Variants in REG3G observed in about 807,000 individuals in gnomAD.
REG3G encodes regenerating family member 3 gamma.
A neutral mutation model predicts 20.9 loss-of-function variants in REG3G; 19 were observed. That is an observed-to-expected ratio of 0.91 (90% confidence interval 0.64 to 1.34). REG3G has a LOEUF of 1.34. REG3G is among the 40% of genes most tolerant of loss of function. The pLI is 0.00. For missense variants in REG3G, 235 were observed against 205.0 expected (o/e 1.15, Z -0.89); for synonymous variants, 89 against 77.4 (o/e 1.15, Z -0.79).
intron 2 of REG3G, chr2:79,026,477 C>G: frequency 1.7e-6 from 1 of 596,856 alleles, no homozygotes; most frequent in Non-Finnish European, 3.0e-6. Flanking sequence ...TAGAGATAGC[C>G]CACAGTGAAG....
At chr2:79,028,175 C>G in intron 5 of REG3G, 34 bp from the exon 6 acceptor site, 1 of 1,527,546 alleles carries the variant, frequency 6.5e-7, no homozygotes, top group South Asian at 1.1e-5. Flanking sequence ...ACAAGTTCCC[C>G]CAGCCCCATG....
chr2:79,025,889 G>C lies in REG3G; in HGVS notation c.-111-94G>C. The C allele has an allele frequency of 5.3e-6, 3 of 567,140 alleles. No individual in the cohort carries two copies. The East Asian group carries it at 9.0e-5, about 17-fold the overall frequency. 35.1% of individuals were successfully genotyped at this position (567,140 alleles called of 1,614,324 possible). On this transcript the variant is annotated intron_variant, in intron 1 of 5. Transcript: ENST00000272324. ...CACAGGAGCTCTGAGACTCAGCAAG[G>C]CTGTACTGGGAGGTCTCAGGGATGG...
At position 79,027,097 on chromosome 2, in the gene REG3G, T is replaced by C. The variant is rs141279811; in HGVS notation, c.259T>C (p.Phe87Leu). 107 of 1,614,030 alleles carry C rather than the reference T, an allele frequency of 6.6e-5. No homozygotes were observed. The African/African-American group carries it at 9.1e-4, about 14-fold the overall frequency. Residue 87 changes from phenylalanine to leucine, a missense_variant, in exon 4 of 6, where the codon TTC (phenylalanine) becomes CTC (leucine). By Grantham distance (22) the Phe-to-Leu change is conservative (BLOSUM62 0). Transcript: ENST00000272324. ...VSVLSGAEGSFVSSLVRSISN... is the reference protein window; with the variant it reads ...VSVLSGAEGSLVSSLVRSISN... ...TGTGCTCAGTGGGGCTGAGGGATCC[T>C]TCGTGTCCTCCCTGGTGAGGAGCAT...
Position 79,026,968 on chromosome 2 carries a change from T to A in REG3G, c.196-66T>A, listed in dbSNP as rs1671638950. ...TCTTTCACACAGTCCTCCTCCCACC[T>A]ACCTTTTCCCTGCCCTCCCTCAGTG... On this transcript the variant is annotated intron_variant, in intron 3 of 5. Transcript: ENST00000272324. The A allele has an allele frequency of 1.9e-6, 3 of 1,600,502 alleles. No homozygotes were observed. In the African/African-American group the frequency reaches 4.0e-5, roughly 22 times the overall value.
intron 5 of REG3G, 42 bp downstream of exon 5, chr2:79,027,975 C>T: frequency 1.2e-6 from 2 of 1,611,438 alleles, no homozygotes; most frequent in African/African-American, 2.7e-5. Flanking sequence ...ACTTTCCACT[C>T]CTCATCCCCA....
chr2:79,027,852 G>C lies in REG3G; in HGVS notation c.379G>C (p.Val127Leu). 6.2e-7 allele frequency: 1 copy of C among 1,614,042 alleles called. No homozygotes were observed. The highest frequency in any genetic ancestry group is 8.5e-7 in the Non-Finnish European group (1 of 1,179,972). Residue 127 changes from valine to leucine, a missense_variant, in exon 5 of 6, where the codon GTG becomes CTG. Physicochemically the swap from Val to Leu is conservative, Grantham distance 32. Coordinates refer to ENST00000272324, the MANE Select transcript of REG3G (RefSeq NM_001008387.3). Reference protein sequence around the residue: ...GDGWEWSSTDVMNYFAWEKNP... With the variant: ...GDGWEWSSTDLMNYFAWEKNP... Reference sequence around the variant, plus strand: ...TGGATGGGAGTGGAGTAGCACTGATGTGATGAATTACTTTGCATGGGAGAA... The same window carrying C: ...TGGATGGGAGTGGAGTAGCACTGATCTGATGAATTACTTTGCATGGGAGAA...
rs1671660375 is a variant in REG3G, at chr2:79,027,732, GTT to G, written c.334-74_334-73del. On this transcript the variant is annotated intron_variant, in intron 4 of 5. Transcript: ENST00000272324. Reference sequence around the variant, plus strand: ...CCCTGATGCTGGGGAGGAATCAGGTGTTACAGCTCAGGGGCCATGCAAAGAGA... The same window carrying G: ...CCCTGATGCTGGGGAGGAATCAGGTGACAGCTCAGGGGCCATGCAAAGAGA... 1.9e-6 allele frequency: 3 copies of G among 1,566,808 alleles called. No homozygotes were observed. In the Admixed American group the frequency reaches 5.2e-5, roughly 27 times the overall value.
rs1671666543 is a variant in REG3G at position 79,027,902 on chromosome 2, T to G, written c.429T>G (p.Pro143=). 1 of 1,614,084 alleles carries G rather than the reference T, an allele frequency of 6.2e-7. No individual in the cohort carries two copies. Among genetic ancestry groups the G allele is most frequent in the East Asian group, 2.2e-5 (1 of 44,848 alleles). ...AAAATCCCTCCACCATCTTAAACCC[T>G]GGCCACTGTGGGAGCCTGTCAAGAA... ...WEKNPSTILN[P]GHCGSLSRST... is the part of the protein sequence containing the mutation. Residue 143 remains proline, a synonymous_variant, in exon 5 of 6, where the codon CCT becomes CCG. Coordinates refer to ENST00000272324, the MANE Select transcript of REG3G (RefSeq NM_001008387.3).
Position 79,028,432 on chromosome 2 carries a change from C to CTT in REG3G, c.*156_*157insTT. The CTT allele has an allele frequency of 1.8e-6, 1 of 565,606 alleles. No individual in the cohort carries two copies. The highest frequency in any genetic ancestry group is 3.2e-6 in the Non-Finnish European group (1 of 314,490). The allele number at this position is 565,606 out of a possible 1,614,324, so 35.0% of individuals were successfully genotyped here. A position where few individuals can be genotyped will look rare whatever the true frequency, so the allele number is the denominator to read the frequency against. On this transcript the variant is annotated 3_prime_UTR_variant, in exon 6 of 6. Transcript: ENST00000272324. Reference sequence around the variant, plus strand: ...CTTCTTTTTCCTTTTTCTTCACCTTCATTTCAGGCTTTTCTCTGTCTTCCA... The same window carrying CTT: ...CTTCTTTTTCCTTTTTCTTCACCTTCTTATTTCAGGCTTTTCTCTGTCTTCCA...
chr2:79,027,233 C>G, intron 4 of REG3G, 62 bp downstream of exon 4: 3 of 1,558,264 alleles, frequency 1.9e-6, no homozygotes, highest in South Asian at 2.3e-5. Flanking sequence ...CAGGCGCACT[C>G]CCTGTCCCCA....
rs766249196 is a variant in REG3G at position 79,028,290 on chromosome 2, T to C, written c.*14T>C. The C allele has an allele frequency of 6.3e-7, 1 of 1,579,424 alleles. No individual in the cohort carries two copies. The highest frequency in any genetic ancestry group is 8.7e-7 in the Non-Finnish European group (1 of 1,148,468). The stretch of plus-strand genomic sequence containing the variant: ...TTCAAGGACTAGGGCAGGTGGGAAG[T>C]CAGCAGCCTGAGCTTGGCGTGCAGC... On this transcript the variant is annotated 3_prime_UTR_variant, in exon 6 of 6. Coordinates refer to ENST00000272324, the MANE Select transcript of REG3G (RefSeq NM_001008387.3).
At position 79,026,730 on chromosome 2, in the gene REG3G, G is replaced by C; in HGVS notation, c.94G>C (p.Glu32Gln). ...CQVQGEETQKELPSPRISCPK... is the reference protein window; with the variant it reads ...CQVQGEETQKQLPSPRISCPK... ...CACCCCAGGTGAAGAAACCCAGAAG[G>C]AACTGCCCTCTCCACGGATCAGCTG... The change falls in exon 3 of 6, where the codon GAA becomes CAA. Residue 32 changes from glutamate (E) to glutamine (Q), a missense_variant. Coordinates refer to ENST00000272324, the MANE Select transcript of REG3G (RefSeq NM_001008387.3). 6.2e-7 allele frequency: 1 copy of C among 1,613,778 alleles called. No individual in the cohort carries two copies. Among genetic ancestry groups the C allele is most frequent in the South Asian group, 1.1e-5 (1 of 91,060 alleles).
At position 79,026,133 on chromosome 2, in the gene REG3G, C is replaced by G; in HGVS notation, c.40C>G (p.Leu14Val). ...PMALPSVSWM[L>V]LSCLILLCQV... ...GGCCCTGCCCAGTGTGTCCTGGATG[C>G]TGCTTTCCTGCCTCATTCTCCTGTG... The change falls in exon 2 of 6, where the codon CTG becomes GTG. Residue 14 changes from leucine to valine, a missense_variant. Coordinates refer to ENST00000272324, the MANE Select transcript of REG3G (RefSeq NM_001008387.3). 2 of 1,614,010 alleles carry G rather than the reference C, an allele frequency of 1.2e-6. No individual in the cohort carries two copies. The highest frequency in any genetic ancestry group is 1.7e-4 in the Middle Eastern group (1 of 6,060).
At position 79,026,778 on chromosome 2, in the gene REG3G, G is replaced by A. The variant is rs760131941; in HGVS notation, c.142G>A (p.Gly48Ser). 1.2e-6 allele frequency: 2 copies of A among 1,613,766 alleles called. No homozygotes were observed. The highest frequency in any genetic ancestry group is 1.1e-5 in the South Asian group (1 of 91,064). Residue 48 changes from glycine (G) to serine (S), a missense_variant, in exon 3 of 6, where the codon GGC (glycine) becomes AGC (serine). Transcript: ENST00000272324. ...CTGTCCCAAAGGCTCCAAGGCCTATGGCTCCCCCTGCTATGCCTTGTTTTT... is the reference window on the plus strand; with the variant it reads ...CTGTCCCAAAGGCTCCAAGGCCTATAGCTCCCCCTGCTATGCCTTGTTTTT... The part of the protein sequence containing the change: ...ISCPKGSKAY[G>S]SPCYALFLSP...
In REG3G at chr2:79,027,167, C is replaced by A. The variant is rs755617561; in HGVS notation, c.329C>A (p.Thr110Lys). The A allele has an allele frequency of 3.7e-6, 6 of 1,613,730 alleles. No homozygotes were observed. The highest frequency in any genetic ancestry group is 1.1e-5 in the South Asian group (1 of 91,056). The change falls in exon 4 of 6, where the codon ACA (threonine) becomes AAA (lysine). Residue 110 changes from threonine to lysine, a missense_variant. By Grantham distance (78) the Thr-to-Lys change is moderately conservative (BLOSUM62 -1). Coordinates refer to ENST00000272324, the MANE Select transcript of REG3G (RefSeq NM_001008387.3). Reference protein sequence around the residue: ...SYIWIGLHDPTQGSEPDGDGW... With the variant: ...SYIWIGLHDPKQGSEPDGDGW... Reference sequence around the variant, plus strand: ...ATCTGGATTGGGCTCCATGACCCCACACAGGTGCGAGTATATCCTCCCCTC... The same window carrying A: ...ATCTGGATTGGGCTCCATGACCCCAAACAGGTGCGAGTATATCCTCCCCTC...
At chr2:79,026,501 G>A in intron 2 of REG3G, 1 of 599,994 alleles carries the variant, frequency 1.7e-6, no homozygotes, top group East Asian at 2.8e-5. Context: ...GTGTTGAATG[G>A]TTGAATAAGG....
rs374234926 is a variant in REG3G at position 79,027,054 on chromosome 2, C to G, written c.216C>G (p.Pro72=). 2.2e-5 allele frequency: 36 copies of G among 1,613,982 alleles called. No individual in the cohort carries two copies. The highest frequency in any genetic ancestry group is 2.8e-5 in the Non-Finnish European group (33 of 1,179,990). ...CAAAGCTGGCTTGCCAGAAGCGGCC[C>G]TCTGGAAAACTGGTGTCTGTGCTCA... ...MDADLACQKR[P]SGKLVSVLSG... is the part of the protein sequence containing the mutation. Residue 72 remains proline, a synonymous_variant, in exon 4 of 6, where the codon CCC becomes CCG. Transcript: ENST00000272324.
chr2:79,026,724 C>A lies in REG3G; in HGVS notation c.88C>A (p.Gln30Lys). The A allele has an allele frequency of 6.2e-7, 1 of 1,613,714 alleles. No individual in the cohort carries two copies. Among genetic ancestry groups the A allele is most frequent in the Non-Finnish European group, 8.5e-7 (1 of 1,179,814 alleles). Residue 30 changes from glutamine to lysine, a missense_variant, in exon 3 of 6, where the codon CAG (glutamine) becomes AAG (lysine). Physicochemically the swap from Gln to Lys is moderately conservative, Grantham distance 53. Coordinates refer to ENST00000272324, the MANE Select transcript of REG3G (RefSeq NM_001008387.3). ...LLCQVQGEETQKELPSPRISC... is the reference protein window; with the variant it reads ...LLCQVQGEETKKELPSPRISC... ...TTCTTCCACCCCAGGTGAAGAAACC[C>A]AGAAGGAACTGCCCTCTCCACGGAT...
At chr2:79,026,934 A>T in intron 3 of REG3G, 100 bp from the exon 4 acceptor site, 1 of 1,483,916 alleles carries the variant, frequency 6.7e-7, no homozygotes, top group African/African-American at 1.5e-5. Context: ...ATGAGGATGA[A>T]CACGCTTATC....
Sources: gnomAD v4.1 joint callset for allele counts on GRCh38, gnomAD v4.1.1 for gene constraint, MANE v1.5 for transcripts, NCBI Gene and HGNC (gene_info 2026-07-23, HGNC 2026-07-21) for gene names.